IWS1: variants seen among roughly 807,000 people sequenced by gnomAD.
IWS1 encodes protein IWS1 homolog.
In IWS1, 27 loss-of-function variants were observed where a neutral mutation model predicts 86.7. The ratio of observed to expected loss-of-function variants is 0.31; its 90% CI spans 0.23 to 0.43. The LOEUF is 0.43. IWS1 is among the 20% of genes least tolerant of loss of function. IWS1 has a pLI of 1.00. For synonymous variants in IWS1, 313 were observed against 335.1 expected (o/e 0.93, Z 0.72); for missense variants, 827 against 1,000.8 (o/e 0.83, Z 2.34).
intron 13 of IWS1, among the ~76,000 whole-genome samples, chr2:127,483,855 A>G (rs2105018198): frequency 6.6e-6 from 1 of 152,282 alleles, no homozygotes; most frequent in Non-Finnish European, 1.5e-5. Flanking sequence ...GATATTTAGT[A>G]TAATTTTAAT....
In IWS1 at chr2:127,526,278, G is replaced by A; in HGVS notation, c.-70C>T. 1 of 1,546,198 alleles carries A rather than the reference G, an allele frequency of 6.5e-7. No homozygotes were observed. The highest frequency in any genetic ancestry group is 8.7e-7 in the Non-Finnish European group (1 of 1,147,148). ...CCCGTCACCTCCTTCCAGGCGGTGT[G>A]ACCCCGGATGGCGCGGCTAAGTGTT... On this transcript the variant is annotated 5_prime_UTR_variant, in exon 1 of 14. Coordinates refer to ENST00000295321, the MANE Select transcript of IWS1 (RefSeq NM_017969.3).
intron 2 of IWS1, among the ~76,000 whole-genome samples, chr2:127,510,463 T>C (rs1420323131): frequency 1.3e-5 from 2 of 151,974 alleles, no homozygotes; most frequent in African/African-American, 4.8e-5. Flanking sequence ...GAAAAAAAAA[T>C]TCTACACAAA....
Position 127,489,078 on chromosome 2 carries a change from C to T in IWS1, c.2216+101G>A. The T allele has an allele frequency of 1.2e-6, 1 of 811,306 alleles. No individual in the cohort carries two copies. Among genetic ancestry groups the T allele is most frequent in the Non-Finnish European group, 2.0e-6 (1 of 491,704 alleles). The allele number at this position is 811,306 out of a possible 1,614,324, so 50.3% of individuals were successfully genotyped here. ...ACGTTAAAATGAAAGTCACCTCCCA[C>T]AAATGAGAGCATAACATCATTTCAT... On this transcript the variant is annotated intron_variant, in intron 12 of 13. Transcript: ENST00000295321. The surrounding 1 kb of genome is among the most constrained non-coding windows in gnomAD (Gnocchi z 4.8).
intron 10 of IWS1, chr2:127,490,831 AAG>A (rs1204113751): frequency 6.6e-6 from 1 of 152,268 alleles, no homozygotes; most frequent in Non-Finnish European, 1.5e-5. Context: ...GTTTACTGAC[AAG>A]ATCAAAGATG....
chr2:127,510,148 C>G (rs1444487750), intron 2 of IWS1, among the ~76,000 whole-genome samples: 1 of 152,162 alleles, frequency 6.6e-6, no homozygotes, highest in Non-Finnish European at 1.5e-5. Context: ...TCTATAGGAC[C>G]ATTTTCAAAA....
At chr2:127,523,881 G>A (rs1285199094) in intron 1 of IWS1, 90 bp from the exon 2 acceptor site, 4 of 882,970 alleles carry the variant, frequency 4.5e-6, no homozygotes, top group East Asian at 2.5e-5. Flanking sequence ...AATAACGTAA[G>A]TGCAAAAGTT....
intron 13 of IWS1, among the ~76,000 whole-genome samples, chr2:127,483,754 C>A (rs1362062496): frequency 4.0e-5 from 6 of 151,800 alleles, no homozygotes; most frequent in African/African-American, 1.5e-4. Context: ...CTCACCCTCC[C>A]AAGTAGCTAG....
At chr2:127,526,627 G>C (rs1573583551), upstream of IWS1, 5 of 1,340,658 alleles carry the variant, frequency 3.7e-6, no homozygotes, top group Non-Finnish European at 4.9e-6. Flanking sequence ...TCGGGCTTTA[G>C]TTAAATACCT....
At chr2:127,509,320 A>G (rs892885823) in intron 2 of IWS1, among the ~76,000 whole-genome samples, 12 of 152,222 alleles carry the variant, frequency 7.9e-5, no homozygotes, top group African/African-American at 2.9e-4. Flanking sequence ...GTTGAAACTG[A>G]CATTTAATGT....
chr2:127,489,397 T>C lies in IWS1; in HGVS notation c.2160-162A>G, dbSNP rs934028815. ...CTTTAAAAAGTACTACTCATTTTAGTATTCATTTGCATAACAGGTTTCCTT... is the reference window on the plus strand; with the variant it reads ...CTTTAAAAAGTACTACTCATTTTAGCATTCATTTGCATAACAGGTTTCCTT... On this transcript the variant is annotated intron_variant, in intron 11 of 13. Coordinates refer to ENST00000295321, the MANE Select transcript of IWS1 (RefSeq NM_017969.3). The surrounding 1 kb of genome is among the most constrained non-coding windows in gnomAD (Gnocchi z 4.8). The C allele has an allele frequency of 4.9e-6, 3 of 606,336 alleles. No homozygotes were observed. The highest frequency in any genetic ancestry group is 6.3e-5 in the Admixed American group (2 of 31,554). The allele number at this position is 606,336 out of a possible 1,614,324, so 37.6% of individuals were successfully genotyped here.
rs201389881 is a variant in IWS1, at chr2:127,498,109, T to A, written c.1565+31A>T. 1.9e-3 allele frequency: 2,835 copies of A among 1,511,664 alleles called. 6 individuals are homozygous for A. The highest frequency in any genetic ancestry group is 2.2e-3 in the Non-Finnish European group (2,451 of 1,093,654). The allele number at this position is 1,511,664 out of a possible 1,614,324, so 93.6% of individuals were successfully genotyped here. A position where few individuals can be genotyped will look rare whatever the true frequency, so the allele number is the denominator to read the frequency against. On this transcript the variant is annotated intron_variant, in intron 6 of 13. Coordinates refer to ENST00000295321, the MANE Select transcript of IWS1 (RefSeq NM_017969.3). ...GTCTCTACCTTGATTTTTAAACTTC[T>A]CTTTAACAAATTCCTTAAAAACAAA...
Position 127,493,314 on chromosome 2 carries a change from C to T in IWS1, c.1896G>A (p.Lys632=), listed in dbSNP as rs745601009. Residue 632 remains lysine (K), a synonymous_variant, in exon 9 of 14, where the codon AAG becomes AAA. Coordinates refer to ENST00000295321, the MANE Select transcript of IWS1 (RefSeq NM_017969.3). ...GGATCTTCAGCAGCTCCTCCCGGAT[C>T]TTGAGTGCAGGCAAACTCCTATCTG... ...PLPDRSLPAL[K]IREELLKILQ... 1 of 1,613,496 alleles carries T rather than the reference C, an allele frequency of 6.2e-7. No homozygotes were observed. The highest frequency in any genetic ancestry group is 1.7e-5 in the Admixed American group (1 of 59,888).
intron 3 of IWS1, among the ~76,000 whole-genome samples, chr2:127,503,877 C>A (rs374538700): frequency 2.6e-5 from 4 of 152,042 alleles, no homozygotes; most frequent in African/African-American, 7.2e-5. Flanking sequence ...TTTGGGAAAT[C>A]GAGAAAATTA....
chr2:127,480,833 T>C lies in IWS1; in HGVS notation c.*211A>G. On this transcript the variant is annotated 3_prime_UTR_variant, in exon 14 of 14. Coordinates refer to ENST00000295321, the MANE Select transcript of IWS1 (RefSeq NM_017969.3). ...CAAAAACCAGAATGAAATTTTATTGTGTAAAGTTTATAGAAGTATGACTAG... is the reference window on the plus strand; with the variant it reads ...CAAAAACCAGAATGAAATTTTATTGCGTAAAGTTTATAGAAGTATGACTAG... 1 of 432,372 alleles carries C rather than the reference T, an allele frequency of 2.3e-6. No homozygotes were observed. Among genetic ancestry groups the C allele is most frequent in the East Asian group, 3.8e-5 (1 of 26,528 alleles). 26.8% of individuals were successfully genotyped at this position (432,372 alleles called of 1,614,324 possible).
chr2:127,496,763 G>A (rs1430766382), intron 6 of IWS1, among the ~76,000 whole-genome samples: 2 of 151,974 alleles, frequency 1.3e-5, no homozygotes. Flanking sequence ...GTAGAGACAG[G>A]GAGGGCCTCA....
In IWS1 at chr2:127,489,992, AT is replaced by A; in HGVS notation, c.2048-50del. 7.6e-6 allele frequency: 8 copies of A among 1,048,896 alleles called. No homozygotes were observed. Among genetic ancestry groups the A allele is most frequent in the African/African-American group, 1.6e-5 (1 of 63,872 alleles). 65.0% of individuals were successfully genotyped at this position (1,048,896 alleles called of 1,614,324 possible). On this transcript the variant is annotated intron_variant, in intron 10 of 13. Transcript: ENST00000295321. This position sits in a 1 kb window ranked among gnomAD's most constrained non-coding sequence, Gnocchi z 4.8. ...ATTTTGTCCATAAAATTGCATTTCC[AT>A]TTTTTTCAAATAATTGCACCCCAGT...
intron 3 of IWS1, among the ~76,000 whole-genome samples, chr2:127,504,128 A>G (rs187358063): frequency 7.2e-5 from 11 of 152,270 alleles, no homozygotes; most frequent in African/African-American, 2.7e-4. Flanking sequence ...AGTTTCATAA[A>G]AAAGTAGACA....
intron 6 of IWS1, 85 bp downstream of exon 6, chr2:127,498,055 C>G: frequency 1.8e-6 from 2 of 1,086,368 alleles, no homozygotes; most frequent in Non-Finnish European, 2.7e-6. Flanking sequence ...AATCAGGAAC[C>G]AAAATGAAAA....
rs1013739231 is a variant in IWS1, at chr2:127,526,283, C to G, written c.-75G>C. On this transcript the variant is annotated 5_prime_UTR_variant, in exon 1 of 14. Transcript: ENST00000295321. ...CACCTCCTTCCAGGCGGTGTGACCC[C>G]GGATGGCGCGGCTAAGTGTTCAGAG... The G allele has an allele frequency of 1.9e-6, 3 of 1,544,840 alleles. No individual in the cohort carries two copies. In the African/African-American group the frequency reaches 4.1e-5, roughly 21 times the overall value.
Sources: allele counts gnomAD v4.1 joint callset (sites outside exome capture counted in the v4.1 genomes callset), GRCh38; gene constraint gnomAD v4.1.1; non-coding constraint Gnocchi (gnomAD v3.1); transcripts MANE v1.5; gene names NCBI Gene and HGNC (gene_info 2026-07-23, HGNC 2026-07-21).